SIMC1: variants seen among roughly 807,000 people sequenced by gnomAD.
SIMC1 encodes SUMO interacting motifs containing 1.
In SIMC1, 55 loss-of-function variants were observed where a neutral mutation model predicts 82.3. The observed-to-expected ratio is 0.67, with a 90% CI of 0.54 to 0.84. The LOEUF is 0.84. SIMC1 is among the 40% of genes least tolerant of loss of function. The pLI is 0.00. For synonymous variants in SIMC1, 353 were observed against 426.3 expected (o/e 0.83, Z 2.12); for missense variants, 915 against 1,107.2 (o/e 0.83, Z 2.46).
chr5:176,287,072 G>A (rs866035346), intron 1 of SIMC1, among the ~76,000 whole-genome samples: 33 of 152,258 alleles, frequency 2.2e-4, no homozygotes, highest in South Asian at 4.1e-4. Flanking sequence ...ACAGTGTGGC[G>A]ATTCCTCAAG....
intron 1 of SIMC1, among the ~76,000 whole-genome samples, chr5:176,252,838 A>C (rs1761725344): frequency 6.6e-6 from 1 of 152,224 alleles, no homozygotes; most frequent in Non-Finnish European, 1.5e-5. Flanking sequence ...ACTGCACTCC[A>C]GCCTGGGCAC....
chr5:176,265,543 T>C (rs1044164058), intron 1 of SIMC1, among the ~76,000 whole-genome samples: 15 of 152,140 alleles, frequency 9.9e-5, no homozygotes, highest in Admixed American at 8.5e-4. Flanking sequence ...GCTTTCTTTG[T>C]TTTGCTCTAA....
intron 5 of SIMC1, among the ~76,000 whole-genome samples, chr5:176,318,457 G>T (rs1206964684): frequency 6.6e-6 from 1 of 152,174 alleles, no homozygotes; most frequent in Non-Finnish European, 1.5e-5. Context: ...TCAAAAATCT[G>T]AGGTAGAATG....
chr5:176,271,584 G>A (rs1449965546), intron 1 of SIMC1, among the ~76,000 whole-genome samples: 1 of 151,916 alleles, frequency 6.6e-6, no homozygotes, highest in Non-Finnish European at 1.5e-5. Flanking sequence ...AAGGGGAGTA[G>A]GGGGTTGGGA....
chr5:176,284,178 C>A (rs201853213), intron 1 of SIMC1, among the ~76,000 whole-genome samples: 1 of 152,120 alleles, frequency 6.6e-6, no homozygotes, highest in African/African-American at 2.4e-5. Context: ...AGCGGACCTA[C>A]TAGACATCTA....
chr5:176,305,537 G>C (rs1291457656), intron 4 of SIMC1, among the ~76,000 whole-genome samples: 2 of 140,716 alleles, frequency 1.4e-5, no homozygotes, highest in South Asian at 2.2e-4. Context: ...AGGTGGGGGG[G>C]TCAGCCCCCC....
chr5:176,242,786 T>C (rs1417723342), intron 1 of SIMC1, among the ~76,000 whole-genome samples: 1 of 152,028 alleles, frequency 6.6e-6, no homozygotes, highest in African/African-American at 2.4e-5. Flanking sequence ...GAACACTTAT[T>C]ATATACCAGG....
chr5:176,313,248 TC>T, intron 4 of SIMC1: 1 of 1,369,486 alleles, frequency 7.3e-7, no homozygotes, highest in Non-Finnish European at 9.5e-7. Context: ...AGAACCAGTT[TC>T]TCTTTCTCTG....
At chr5:176,310,720 A>G (rs1297153112) in intron 4 of SIMC1, among the ~76,000 whole-genome samples, 1 of 152,148 alleles carries the variant, frequency 6.6e-6, no homozygotes, top group East Asian at 1.9e-4. Flanking sequence ...ACAGTTCTAT[A>G]TGATTATGAT....
intron 7 of SIMC1, among the ~76,000 whole-genome samples, chr5:176,327,324 A>G (rs1581319562): frequency 1.3e-5 from 2 of 152,370 alleles, no homozygotes; most frequent in East Asian, 3.8e-4. Flanking sequence ...AAGATTAAGT[A>G]TAATTTACAT....
At chr5:176,341,730 T>C (rs1766157300) in intron 9 of SIMC1, among the ~76,000 whole-genome samples, 1 of 151,778 alleles carries the variant, frequency 6.6e-6, no homozygotes, top group Non-Finnish European at 1.5e-5. Context: ...GTTTGACATA[T>C]TAGGTAGGAG....
rs1170660045 is a variant in SIMC1 at position 176,313,357 on chromosome 5, A to G, written c.1735-334A>G. The G allele has an allele frequency of 5.3e-6, 8 of 1,504,226 alleles. No individual in the cohort carries two copies. The Admixed American group carries it at 9.6e-5, about 18-fold the overall frequency. The allele number at this position is 1,504,226 out of a possible 1,614,324, so 93.2% of individuals were successfully genotyped here. ...GGCTGCCTCTTAAATCAAATGATCT[A>G]CAATCCTAGAGATTCCAGTAGATAT... On this transcript the variant is annotated intron_variant, in intron 4 of 9. Transcript: ENST00000429602.
chr5:176,290,476 T>G lies in SIMC1; in HGVS notation c.952T>G (p.Ser318Ala), dbSNP rs780238974. 11 of 1,613,770 alleles carry G rather than the reference T, an allele frequency of 6.8e-6. No individual in the cohort carries two copies. The African/African-American group carries it at 1.1e-4, about 16-fold the overall frequency. The change falls in exon 2 of 10, where the codon TCA becomes GCA. Residue 318 changes from serine to alanine, a missense_variant. Physicochemically the swap from Ser to Ala is moderately conservative, Grantham distance 99. Coordinates refer to ENST00000429602, the MANE Select transcript of SIMC1 (RefSeq NM_001308195.2). ...ACGGTCACCAGGAGATGTGCCACAGTCACCAAGTGATGTTTCACCGTCACC... is the reference window on the plus strand; with the variant it reads ...ACGGTCACCAGGAGATGTGCCACAGGCACCAAGTGATGTTTCACCGTCACC... ...MPRSPGDVPQSPSDVSPSPDA... is the reference protein window; with the variant it reads ...MPRSPGDVPQAPSDVSPSPDA...
In SIMC1 at chr5:176,274,819, T is replaced by C. The variant is rs190062194; in HGVS notation, c.130-14835T>C. On this transcript the variant is annotated intron_variant, in intron 1 of 9. Coordinates refer to ENST00000429602, the MANE Select transcript of SIMC1 (RefSeq NM_001308195.2). ...TTGTCAAAGATCAGATGGTTGTAGA[T>C]AGGCGGCATTATTTCTCTCTCTGTT... Among the ~76,000 whole-genome samples the C allele has an allele frequency of 2.3e-3, 350 of 151,890 alleles. 4 individuals carry two copies. Among genetic ancestry groups the C allele is most frequent in the African/African-American group, 8.1e-3 (336 of 41,518 alleles).
intron 1 of SIMC1, among the ~76,000 whole-genome samples, chr5:176,249,603 G>A (rs1449215229): frequency 6.6e-6 from 1 of 151,978 alleles, no homozygotes; most frequent in African/African-American, 2.4e-5. Flanking sequence ...TACTTTGGAA[G>A]GCTGAGGTGG....
rs563747152 is a variant in SIMC1, at chr5:176,307,718, A to G, written c.1735-5973A>G. Among the ~76,000 whole-genome samples the G allele has an allele frequency of 2.0e-5, 3 of 152,310 alleles. No homozygotes were observed. The South Asian group carries it at 6.2e-4, about 32-fold the overall frequency. ...GCCTGGCCTTTATCACAATTTTTAA[A>G]CTTTTGTTAAAAGAAAACAGACAAT... On this transcript the variant is annotated intron_variant, in intron 4 of 9. Coordinates refer to ENST00000429602, the MANE Select transcript of SIMC1 (RefSeq NM_001308195.2).
At chr5:176,298,321 G>T (rs1291063307) in intron 4 of SIMC1, among the ~76,000 whole-genome samples, 3 of 152,210 alleles carry the variant, frequency 2.0e-5, no homozygotes, top group Non-Finnish European at 2.9e-5. Flanking sequence ...TCTGGGGGCT[G>T]CCTGGCCACC....
chr5:176,321,288 G>A (rs1442550782), intron 5 of SIMC1, among the ~76,000 whole-genome samples: 3 of 151,904 alleles, frequency 2.0e-5, no homozygotes, highest in African/African-American at 7.3e-5. Flanking sequence ...TGTCACTGTA[G>A]TTTATTTATA....
At chr5:176,251,607 C>A (rs1371473576) in intron 1 of SIMC1, among the ~76,000 whole-genome samples, 1 of 146,362 alleles carries the variant, frequency 6.8e-6, no homozygotes, top group Non-Finnish European at 1.5e-5. Flanking sequence ...TTTTATTGAT[C>A]ATTCTGGGGT....
Sources: gnomAD v4.1 joint callset for allele counts (sites outside exome capture counted in the v4.1 genomes callset) on GRCh38, gnomAD v4.1.1 for gene constraint, MANE v1.5 for transcripts, NCBI Gene and HGNC (gene_info 2026-07-23, HGNC 2026-07-21) for gene names.